The following RTN4 variants were observed in gnomAD, a reference collection of about 807,000 sequenced individuals.
RTN4 encodes reticulon 4, also known as reticulon-4.
A neutral mutation model predicts 90.4 loss-of-function variants in RTN4; 32 were observed. The observed-to-expected ratio is 0.35, with a 90% CI of 0.27 to 0.48. The LOEUF (loss-of-function observed/expected upper bound fraction) is 0.48. Ranked by LOEUF, RTN4 falls within the 20% of genes least tolerant of loss-of-function variation. RTN4 has a pLI of 0.99. For missense variants in RTN4, 1,706 were observed against 1,430.2 expected, an observed-to-expected ratio of 1.19 and a Z score of -3.11; for synonymous variants, 629 against 552.5, an observed-to-expected ratio of 1.14 and a Z score of -1.94.
chr2:55,011,404 T>C (rs535233162), intron 3 of RTN4, among the ~76,000 whole-genome samples: 18 of 152,300 alleles, frequency 1.2e-4, no homozygotes, highest in African/African-American at 4.1e-4. Flanking sequence ...ATAAAACTGA[T>C]TTTCATTCCA....
chr2:55,025,678 T>C lies in RTN4; in HGVS notation c.2421A>G (p.Leu807=). 6.2e-7 allele frequency: 1 copy of C among 1,613,848 alleles called. No homozygotes were observed. Among genetic ancestry groups the C allele is most frequent in the Non-Finnish European group, 8.5e-7 (1 of 1,179,826 alleles). Residue 807 remains leucine, a synonymous_variant, in exon 3 of 9, where the codon TTA becomes TTG. Coordinates refer to ENST00000337526, the MANE Select transcript of RTN4 (RefSeq NM_020532.5). ...KPYLESFKLS[L]DNTKDTLLPD... is the part of the protein sequence containing the mutation. ...GTAACAGGGTATCTTTTGTGTTATCTAAACTGAGCTTAAAAGATTCCAAAT... is the reference window on the plus strand; with the variant it reads ...GTAACAGGGTATCTTTTGTGTTATCCAAACTGAGCTTAAAAGATTCCAAAT...
In RTN4 at chr2:55,026,611, T is replaced by G. The variant is rs1167587515; in HGVS notation, c.1488A>C (p.Lys496Asn). The change falls in exon 3 of 9, where the codon AAA (lysine) becomes AAC (asparagine). Residue 496 changes from lysine (K) to asparagine (N), a missense_variant. Lys to Asn is a moderately conservative substitution (Grantham distance 94). Transcript: ENST00000337526. ...CTATTTGGGCCTTCTTTTCTTCTAT[T>G]TTTTTTTCATCGGTCTTATTTTCTG... is the stretch of plus-strand genomic sequence containing the variant. ...PTSENKTDEK[K>N]IEEKKAQIVT... The G allele has an allele frequency of 1.2e-6, 2 of 1,611,980 alleles. No individual in the cohort carries two copies. Among genetic ancestry groups the G allele is most frequent in the Admixed American group, 1.7e-5 (1 of 59,804 alleles).
At chr2:54,979,540 T>A (rs2104627710) in intron 5 of RTN4, among the ~76,000 whole-genome samples, 1 of 152,358 alleles carries the variant, frequency 6.6e-6, no homozygotes. Flanking sequence ...TATTCAGTAT[T>A]TCTGTATATT....
chr2:55,039,333 CAGAG>C (rs1008802337), intron 1 of RTN4, among the ~76,000 whole-genome samples: 1 of 151,736 alleles, frequency 6.6e-6, no homozygotes, highest in African/African-American at 2.4e-5. Context: ...AAATAAATTG[CAGAG>C]AGAGAGAGAC....
chr2:55,082,850 C>T (rs975654310), intron 1 of RTN4, among the ~76,000 whole-genome samples: 4 of 152,106 alleles, frequency 2.6e-5, no homozygotes, highest in Admixed American at 6.5e-5. Flanking sequence ...CACATTAAAG[C>T]GGTTGAGTAA....
At chr2:55,111,664 AG>A (rs1196789846) in intron 1 of RTN4, among the ~76,000 whole-genome samples, 1 of 151,470 alleles carries the variant, frequency 6.6e-6, no homozygotes, top group African/African-American at 2.4e-5. Context: ...GTTTAGGAGG[AG>A]GGGTCTCCAC....
chr2:55,113,592 C>T (rs1214990979), upstream of RTN4, among the ~76,000 whole-genome samples: 2 of 152,148 alleles, frequency 1.3e-5, no homozygotes, highest in Non-Finnish European at 2.9e-5. Flanking sequence ...GATTTCCGTC[C>T]AGCAAGTGAC....
intron 3 of RTN4, among the ~76,000 whole-genome samples, chr2:55,005,875 A>C (rs1680182725): frequency 6.6e-6 from 1 of 152,150 alleles, no homozygotes; most frequent in Admixed American, 6.6e-5. Flanking sequence ...GATTGTGTTA[A>C]GTATTTATGT....
At chr2:55,132,895 TG>T in the RTN4 span, among the ~76,000 whole-genome samples, 99,382 of 147,338 alleles carry the variant, frequency 0.67, 34,176 homozygotes, top group African/African-American at 0.78. Context: ...GTTTTGTTGT[TG>T]TTTTTTTTAA....
Position 55,027,373 on chromosome 2 carries a change from T to C in RTN4, c.726A>G (p.Ser242=), listed in dbSNP as rs751319284. 1 of 1,613,576 alleles carries C rather than the reference T, an allele frequency of 6.2e-7. No homozygotes were observed. Among genetic ancestry groups the C allele is most frequent in the South Asian group, 1.1e-5 (1 of 91,074 alleles). Residue 242 remains serine, a synonymous_variant, in exon 3 of 9, where the codon TCA becomes TCG. Transcript: ENST00000337526. ...ATTCATGTTCTTTGAAAGAAGCGGC[T>C]GAGAGAGGAGACAGAGAAGGAAGAG... ...AASLPSLSPL[S]AASFKEHEYL...
In RTN4 at chr2:54,973,060, T is replaced by C; in HGVS notation, c.*96A>G. 2.0e-6 allele frequency: 2 copies of C among 976,160 alleles called. No homozygotes were observed. Among genetic ancestry groups the C allele is most frequent in the Non-Finnish European group, 1.6e-6 (1 of 630,968 alleles). 60.5% of individuals were successfully genotyped at this position (976,160 alleles called of 1,614,324 possible). On this transcript the variant is annotated 3_prime_UTR_variant, in exon 9 of 9. Coordinates refer to ENST00000337526, the MANE Select transcript of RTN4 (RefSeq NM_020532.5). ...CTAACAACGATCTGTGAAACTGCAC[T>C]GCAACGTCAAGGTTCGTTCTTCCCT...
intron 1 of RTN4, 25 bp from the exon 2 acceptor site, chr2:55,028,245 T>C: frequency 6.3e-7 from 1 of 1,599,702 alleles, no homozygotes; most frequent in Non-Finnish European, 8.5e-7. Flanking sequence ...GAATATAACC[T>C]CAGCAGAAAT....
intron 2 of RTN4, among the ~76,000 whole-genome samples, chr2:55,077,986 C>G (rs2972069): frequency 0.91 from 138,654 of 151,602 alleles, 63,517 homozygotes; most frequent in Middle Eastern, 0.98. Context: ...AGAATGATAC[C>G]ATGGACGTTT....
At chr2:54,993,061 G>A (rs2864049) in intron 3 of RTN4, among the ~76,000 whole-genome samples, 71,093 of 140,928 alleles carry the variant, frequency 0.5, 19,954 homozygotes, top group African/African-American at 0.77. Context: ...GCAACAGAGC[G>A]AGACTCCATC....
At chr2:55,066,691 CAAAAATAAAT>C (rs1213187546) in intron 2 of RTN4, among the ~76,000 whole-genome samples, 2 of 106,926 alleles carry the variant, frequency 1.9e-5, no homozygotes, top group African/African-American at 7.8e-5. Flanking sequence ...GACTCCATCT[CAAAAATAAAT>C]AAATAAATAA....
At chr2:54,982,244 C>T (rs1449821840) in intron 5 of RTN4, among the ~76,000 whole-genome samples, 1 of 151,984 alleles carries the variant, frequency 6.6e-6, no homozygotes, top group African/African-American at 2.4e-5. Flanking sequence ...GTGTGAGCCA[C>T]CACACCCGGC....
Position 55,061,464 on chromosome 2 carries a change from C to T in RTN4, c.-63+19025G>A, listed in dbSNP as rs2972077. On this transcript the variant is annotated intron_variant, in intron 2 of 3. Coordinates refer to the RTN4 transcript ENST00000427710. ...ATATTGAAATTTCTCCAGTTGTCCACGCAATGTCCTTTACAGCTGGTTTAT... is the reference window on the plus strand; with the variant it reads ...ATATTGAAATTTCTCCAGTTGTCCATGCAATGTCCTTTACAGCTGGTTTAT... Among the ~76,000 whole-genome samples the T allele has an allele frequency of 4.2e-3, 632 of 152,280 alleles. 3 individuals carry two copies. The highest frequency in any genetic ancestry group is 0.012 in the African/African-American group (497 of 41,548).
intron 2 of RTN4, among the ~76,000 whole-genome samples, chr2:55,071,863 G>A (rs1215392965): frequency 6.6e-6 from 1 of 152,210 alleles, no homozygotes; most frequent in Non-Finnish European, 1.5e-5. Context: ...ACTTTGTAAA[G>A]TAAAGATGTT....
intron 8 of RTN4, 131 bp downstream of exon 8, chr2:54,973,432 T>C (rs928050547): frequency 2.5e-6 from 2 of 795,358 alleles, no homozygotes; most frequent in Non-Finnish European, 2.1e-6. Flanking sequence ...AACAATCTTT[T>C]GGCAACTCTG....
Sources: gnomAD v4.1 joint callset for allele counts (sites outside exome capture counted in the v4.1 genomes callset) on GRCh38, gnomAD v4.1.1 for gene constraint, MANE v1.5 for transcripts, NCBI Gene and HGNC (gene_info 2026-07-23, HGNC 2026-07-21) for gene names.